CCDC171: variants seen among roughly 807,000 people sequenced by gnomAD.
The protein encoded by CCDC171 is coiled-coil domain containing 171.
Under a neutral mutation model 168.2 loss-of-function variants are expected in CCDC171, and 177 were observed. The ratio of observed to expected loss-of-function variants is 1.05; its 90% CI spans 0.93 to 1.19. The LOEUF (loss-of-function observed/expected upper bound fraction) is 1.19. Ranked by LOEUF, CCDC171 falls within the 50% of genes most tolerant of loss-of-function variation. The pLI, the probability that CCDC171 is intolerant of heterozygous loss-of-function variation, is 0.00. For missense variants in CCDC171, 1,991 were observed against 1,539.0 expected, an observed-to-expected ratio of 1.29 and a Z score of -4.91; for synonymous variants, 687 against 540.8, an observed-to-expected ratio of 1.27 and a Z score of -3.75.
At chr9:15,597,098 C>T (rs1371205487) in intron 6 of CCDC171, among the ~76,000 whole-genome samples, 1 of 152,048 alleles carries the variant, frequency 6.6e-6, no homozygotes, top group Non-Finnish European at 1.5e-5. Context: ...CAAACAGGGA[C>T]AATTTGACTT....
intron 8 of CCDC171, among the ~76,000 whole-genome samples, chr9:15,663,514 G>A (rs1325589152): frequency 1.3e-5 from 2 of 151,312 alleles, no homozygotes; most frequent in Non-Finnish European, 2.9e-5. Flanking sequence ...TACTATATAC[G>A]CTGATGTGGA....
chr9:15,621,179 C>T (rs1056459329), intron 6 of CCDC171, among the ~76,000 whole-genome samples: 1 of 152,168 alleles, frequency 6.6e-6, no homozygotes, highest in African/African-American at 2.4e-5. Flanking sequence ...GTTGGCCAGG[C>T]TTGTCTCAGA....
chr9:15,841,088 C>G (rs974990604), intron 21 of CCDC171, among the ~76,000 whole-genome samples: 1 of 152,034 alleles, frequency 6.6e-6, no homozygotes, highest in Non-Finnish European at 1.5e-5. Flanking sequence ...CAAAATCTTA[C>G]AGCATACTTG....
At chr9:15,752,288 G>A (rs1001956055) in intron 18 of CCDC171, among the ~76,000 whole-genome samples, 21 of 152,168 alleles carry the variant, frequency 1.4e-4, no homozygotes, top group South Asian at 8.3e-4. Context: ...AAATAGGTAC[G>A]CTGTTACACT....
intron 1 of CCDC171, among the ~76,000 whole-genome samples, chr9:15,558,628 CTTT>C (rs1373830835): frequency 2.0e-5 from 3 of 151,980 alleles, no homozygotes; most frequent in Non-Finnish European, 4.4e-5. Context: ...CTCTTTTCTT[CTTT>C]ATTAGTCTTG....
chr9:15,952,345 C>G (rs748158148), intron 25 of CCDC171, among the ~76,000 whole-genome samples: 30 of 152,010 alleles, frequency 2.0e-4, no homozygotes, highest in Non-Finnish European at 1.5e-5. Context: ...TTTTTTCAAT[C>G]TTGTTTTGGG....
At chr9:15,842,580 AG>A (rs768787641) in intron 21 of CCDC171, among the ~76,000 whole-genome samples, 1 of 152,056 alleles carries the variant, frequency 6.6e-6, no homozygotes, top group East Asian at 1.9e-4. Flanking sequence ...TGTTTTGATA[AG>A]GTTTTTTTTC....
In CCDC171 at chr9:15,687,988, G is replaced by A. The variant is rs569089655; in HGVS notation, c.1216-7247G>A. 4.2e-4 allele frequency among the ~76,000 whole-genome samples: 64 copies of A among 151,950 alleles called. No individual in the cohort carries two copies. In the South Asian group the frequency reaches 7.5e-3, roughly 18 times the overall value. On this transcript the variant is annotated intron_variant, in intron 10 of 25. Transcript: ENST00000380701. Reference sequence around the variant, plus strand: ...ACAAAAATTAGCTGGGCAAGGTGGCGCATGCCTGTAGTCCCAGCTACTTGG... The same window carrying A: ...ACAAAAATTAGCTGGGCAAGGTGGCACATGCCTGTAGTCCCAGCTACTTGG...
chr9:15,590,632 TTTGTGACCC>T (rs1416410425), intron 4 of CCDC171, among the ~76,000 whole-genome samples: 1 of 152,332 alleles, frequency 6.6e-6, no homozygotes, highest in African/African-American at 2.4e-5. Context: ...CAGCCTCAGC[TTTGTGACCC>T]TTGTGTAAGA....
Position 15,729,765 on chromosome 9 carries a change from T to C in CCDC171, c.2016T>C (p.Ser672=), listed in dbSNP as rs1022209384. The part of the protein sequence containing the change: ...RQKKELELQY[S]ELFLEVQKRA... Reference sequence around the variant, plus strand: ...AGAAGGAACTAGAGCTGCAGTATTCTGAACTCTTCCTGGAGGTGCAGAAGA... The same window carrying C: ...AGAAGGAACTAGAGCTGCAGTATTCCGAACTCTTCCTGGAGGTGCAGAAGA... Residue 672 remains serine, a synonymous_variant, in exon 16 of 26, where the codon TCT becomes TCC. Coordinates refer to ENST00000380701, the MANE Select transcript of CCDC171 (RefSeq NM_173550.4). 2 of 1,611,880 alleles carry C rather than the reference T, an allele frequency of 1.2e-6. No individual in the cohort carries two copies. The highest frequency in any genetic ancestry group is 2.7e-5 in the African/African-American group (2 of 74,976).
At chr9:15,615,807 C>G (rs2044038615) in intron 6 of CCDC171, among the ~76,000 whole-genome samples, 1 of 147,754 alleles carries the variant, frequency 6.8e-6, no homozygotes, top group Non-Finnish European at 1.5e-5. Flanking sequence ...CAGACAGGGT[C>G]TCACTCTGTC....
At chr9:15,650,105 T>C (rs368805052) in intron 7 of CCDC171, among the ~76,000 whole-genome samples, 5 of 152,170 alleles carry the variant, frequency 3.3e-5, no homozygotes, top group East Asian at 3.9e-4. Flanking sequence ...TGTAGGGACA[T>C]GGATGAAGCT....
Position 15,554,478 on chromosome 9 carries a change from G to T in CCDC171, c.-112+1176G>T, listed in dbSNP as rs565998487. On this transcript the variant is annotated intron_variant, in intron 1 of 25. Coordinates refer to ENST00000380701, the MANE Select transcript of CCDC171 (RefSeq NM_173550.4). ...ATAGTCTTAGTTTGTAGCTTTCTGT[G>T]TTAGTCTTGGGGCTCAGCCATTTAT... 2.6e-5 allele frequency among the ~76,000 whole-genome samples: 4 copies of T among 152,302 alleles called. No individual in the cohort carries two copies. In the South Asian group the frequency reaches 8.3e-4, roughly 32 times the overall value.
chr9:16,006,822 A>G (rs1463981499), intron 3 of CCDC171, among the ~76,000 whole-genome samples: 11 of 152,160 alleles, frequency 7.2e-5, no homozygotes, highest in Non-Finnish European at 1.5e-4. Flanking sequence ...TTCTTAATGC[A>G]GTCTATCATT....
At chr9:15,563,329 G>C (rs905579367) in intron 1 of CCDC171, among the ~76,000 whole-genome samples, 1 of 151,804 alleles carries the variant, frequency 6.6e-6, no homozygotes, top group Non-Finnish European at 1.5e-5. Flanking sequence ...GTAGAGGTGG[G>C]GTTTCTCCAT....
intron 20 of CCDC171, among the ~76,000 whole-genome samples, chr9:15,784,146 T>C (rs1206710410): frequency 1.3e-5 from 2 of 152,146 alleles, no homozygotes; most frequent in East Asian, 1.9e-4. Flanking sequence ...AACACAAACT[T>C]CTAGGTGATC....
chr9:15,643,566 A>T (rs1005284717), intron 7 of CCDC171, among the ~76,000 whole-genome samples: 2 of 152,108 alleles, frequency 1.3e-5, no homozygotes, highest in African/African-American at 4.8e-5. Flanking sequence ...TTCAATTGAG[A>T]TATACTTCAC....
the CCDC171 span, among the ~76,000 whole-genome samples, chr9:16,092,259 A>T: frequency 6.6e-6 from 1 of 152,176 alleles, no homozygotes; most frequent in Admixed American, 6.5e-5. Flanking sequence ...TCCTCTAATC[A>T]ATATCACCCA....
At chr9:15,742,801 C>CT (rs869086658) in intron 16 of CCDC171, among the ~76,000 whole-genome samples, 148 of 150,170 alleles carry the variant, frequency 9.9e-4, no homozygotes, top group East Asian at 4.7e-3. Context: ...CTAATCAATA[C>CT]TTTTTTTTTT....
Sources: allele counts gnomAD v4.1 joint callset (sites outside exome capture counted in the v4.1 genomes callset), GRCh38; gene constraint gnomAD v4.1.1; transcripts MANE v1.5; gene names NCBI Gene and HGNC (gene_info 2026-07-23, HGNC 2026-07-21).